Variants in TMBIM4 observed in about 807,000 individuals in gnomAD.
TMBIM4 encodes protein lifeguard 4.
Under a neutral mutation model 27.7 loss-of-function variants are expected in TMBIM4, and 28 were observed. That is an observed-to-expected ratio of 1.01 (90% confidence interval 0.75 to 1.38). TMBIM4 has a LOEUF of 1.38. Ranked by LOEUF, TMBIM4 falls within the 40% of genes most tolerant of loss-of-function variation. TMBIM4 has a pLI of 0.00. For missense variants in TMBIM4, 265 were observed against 277.5 expected, an observed-to-expected ratio of 0.95 and a Z score of 0.32; for synonymous variants, 115 against 113.1, an observed-to-expected ratio of 1.02 and a Z score of -0.11.
chr12:66,149,972 C>T (rs1029434047), intron 3 of TMBIM4, among the ~76,000 whole-genome samples: 5 of 152,058 alleles, frequency 3.3e-5, no homozygotes, highest in African/African-American at 7.2e-5. Context: ...AAACTCCTAA[C>T]GTTAAAGGTC....
At chr12:66,147,028 G>A (rs562062788) in intron 4 of TMBIM4, among the ~76,000 whole-genome samples, 11 of 152,082 alleles carry the variant, frequency 7.2e-5, no homozygotes, top group Non-Finnish European at 1.5e-4. Context: ...CTGGAGAAGG[G>A]AGAGATGGAT....
rs570710919 is a variant in TMBIM4 at position 66,140,227 on chromosome 12, A to C, written c.465-1458T>G. On this transcript the variant is annotated intron_variant, in intron 5 of 6. Transcript: ENST00000358230. ...ATAGAATGCATAGACAATGACATTA[A>C]AAATATACTCCCTAGTTCAAGATCG... Among the ~76,000 whole-genome samples, 187 of 152,352 alleles carry C rather than the reference A, an allele frequency of 1.2e-3. No homozygotes were observed. The Middle Eastern group carries it at 0.02, about 17-fold the overall frequency.
At chr12:66,149,701 T>C (rs116912912) in intron 3 of TMBIM4, among the ~76,000 whole-genome samples, 6 of 152,268 alleles carry the variant, frequency 3.9e-5, no homozygotes, top group Non-Finnish European at 7.4e-5. Context: ...CCACTGTAAG[T>C]TGAAAATATC....
At position 66,156,875 on chromosome 12, in the gene TMBIM4, T is replaced by C. The variant is rs113106212; in HGVS notation, c.98-3427A>G. ...TTCTTTGACACTCCCTTCAAGTGAG[T>C]CCTAACAAAAAGAATGATGCAAAAG... On this transcript the variant is annotated intron_variant, in intron 1 of 6. Coordinates refer to ENST00000358230, the MANE Select transcript of TMBIM4 (RefSeq NM_016056.4). Among the ~76,000 whole-genome samples the C allele has an allele frequency of 9.9e-3, 1,505 of 152,066 alleles. 26 individuals are homozygous for C. The highest frequency in any genetic ancestry group is 0.034 in the African/African-American group (1,406 of 41,450).
chr12:66,141,734 AAAG>A (rs1406062109), intron 5 of TMBIM4, among the ~76,000 whole-genome samples: 6 of 152,192 alleles, frequency 3.9e-5, no homozygotes, highest in African/African-American at 9.6e-5. Context: ...TACTAGAGCT[AAAG>A]AAGGTCACTT....
intron 1 of TMBIM4, among the ~76,000 whole-genome samples, chr12:66,168,444 T>G (rs2052171441): frequency 6.6e-6 from 1 of 152,052 alleles, no homozygotes; most frequent in Non-Finnish European, 1.5e-5. Flanking sequence ...ATTAAAAAGT[T>G]CTGGATATTG....
intron 5 of TMBIM4, among the ~76,000 whole-genome samples, chr12:66,139,219 T>C (rs572324023): frequency 1.3e-5 from 2 of 152,376 alleles, no homozygotes; most frequent in South Asian, 4.1e-4. Flanking sequence ...TTATGTATTA[T>C]GGAACTTAAT....
chr12:66,159,217 G>A (rs1404674514), intron 1 of TMBIM4, among the ~76,000 whole-genome samples: 2 of 152,186 alleles, frequency 1.3e-5, no homozygotes, highest in Non-Finnish European at 2.9e-5. Flanking sequence ...GTAATGATGT[G>A]TGTGATTCCA....
chr12:66,144,018 G>T (rs1347449628), intron 5 of TMBIM4, among the ~76,000 whole-genome samples: 2 of 152,176 alleles, frequency 1.3e-5, no homozygotes, highest in Non-Finnish European at 2.9e-5. Flanking sequence ...AATAGCAGTA[G>T]ATGTGATTCA....
chr12:66,149,785 T>C (rs1183501337), intron 3 of TMBIM4, among the ~76,000 whole-genome samples: 2 of 152,166 alleles, frequency 1.3e-5, no homozygotes, highest in Non-Finnish European at 1.5e-5. Context: ...ATTTCGTGGT[T>C]GCATATTGCT....
In TMBIM4 at chr12:66,154,655, G is replaced by A. The variant is rs138009405; in HGVS notation, c.98-1207C>T. On this transcript the variant is annotated intron_variant, in intron 1 of 6. Transcript: ENST00000358230. Reference sequence around the variant, plus strand: ...GTTGTCTCTTGCCTATCATGGCAATGCTCATGGTAGATGAGCATTAGATGG... The same window carrying A: ...GTTGTCTCTTGCCTATCATGGCAATACTCATGGTAGATGAGCATTAGATGG... 1.2e-4 allele frequency among the ~76,000 whole-genome samples: 18 copies of A among 152,262 alleles called. No homozygotes were observed. In the East Asian group the frequency reaches 3.3e-3, roughly 28 times the overall value.
chr12:66,148,166 T>A (rs2051782650), intron 3 of TMBIM4, among the ~76,000 whole-genome samples: 1 of 152,226 alleles, frequency 6.6e-6, no homozygotes, highest in African/African-American at 2.4e-5. Flanking sequence ...TATGACTCTT[T>A]AAGCTCTAAT....
chr12:66,166,949 C>T (rs1305385433), intron 1 of TMBIM4, among the ~76,000 whole-genome samples: 1 of 152,168 alleles, frequency 6.6e-6, no homozygotes, highest in African/African-American at 2.4e-5. Flanking sequence ...GAATAGTATT[C>T]AGCACTAAAG....
At chr12:66,143,714 C>T (rs1490451362) in intron 5 of TMBIM4, among the ~76,000 whole-genome samples, 2 of 152,148 alleles carry the variant, frequency 1.3e-5, no homozygotes, top group South Asian at 2.1e-4. Flanking sequence ...AAACATTTAA[C>T]GCACTTCTTC....
At chr12:66,151,783 A>T (rs1328396613) in intron 3 of TMBIM4, among the ~76,000 whole-genome samples, 1 of 152,238 alleles carries the variant, frequency 6.6e-6, no homozygotes, top group Non-Finnish European at 1.5e-5. Context: ...AAAGTTACTA[A>T]TGCACATAAT....
chr12:66,142,895 G>A (rs955336452), intron 5 of TMBIM4, among the ~76,000 whole-genome samples: 4 of 152,074 alleles, frequency 2.6e-5, no homozygotes, highest in Non-Finnish European at 5.9e-5. Context: ...CTACATTTGA[G>A]CCTGATCAGA....
At chr12:66,153,225 CT>C in intron 2 of TMBIM4, 114 bp downstream of exon 2, 2 of 668,072 alleles carry the variant, frequency 3.0e-6, no homozygotes, top group South Asian at 1.8e-5. Flanking sequence ...GTAAATGAAC[CT>C]TTTTTACATT....
intron 6 of TMBIM4, 99 bp downstream of exon 6, chr12:66,138,623 TAA>T: frequency 1.3e-6 from 1 of 799,188 alleles, no homozygotes; most frequent in Non-Finnish European, 1.9e-6. Flanking sequence ...TAATTATAAC[TAA>T]GTGTCCTATC....
At chr12:66,152,968 A>G (rs1279173408) in intron 2 of TMBIM4, among the ~76,000 whole-genome samples, 1 of 152,046 alleles carries the variant, frequency 6.6e-6, no homozygotes, top group African/African-American at 2.4e-5. Flanking sequence ...AAATTATGCT[A>G]GTCATGAGCC....
Sources: allele counts gnomAD v4.1 joint callset (sites outside exome capture counted in the v4.1 genomes callset), GRCh38; gene constraint gnomAD v4.1.1; transcripts MANE v1.5; gene names NCBI Gene and HGNC (gene_info 2026-07-23, HGNC 2026-07-21).